Variants in PHACTR4 observed in about 807,000 individuals in gnomAD.
PHACTR4 encodes the protein protein phosphatase 1, regulatory subunit 124.
A neutral mutation model predicts 72.7 loss-of-function variants in PHACTR4; 51 were observed. That is an observed-to-expected ratio of 0.70 (90% CI 0.56 to 0.89). The LOEUF (loss-of-function observed/expected upper bound fraction) is 0.89, where lower values mean the gene tolerates loss of function less well. Ranked by LOEUF, PHACTR4 falls within the 40% of genes least tolerant of loss-of-function variation. The probability of loss-of-function intolerance (pLI) is 0.00; values close to 1 mark genes in which losing one functional copy is unlikely to be tolerated. For missense variants in PHACTR4, 731 were observed against 861.8 expected (o/e 0.85, Z 1.90); for synonymous variants, 255 against 302.5 (o/e 0.84, Z 1.63).
At position 28,465,730 on chromosome 1, in the gene PHACTR4, G is replaced by T. The variant is rs564701255; in HGVS notation, c.317G>T (p.Gly106Val). Residue 106 changes from glycine to valine, a missense_variant, in exon 5 of 14, where the codon GGC becomes GTC. By Grantham distance (109) the Gly-to-Val change is moderately radical. Transcript: ENST00000373839. ...GKPSDAMLKN[G>V]HTTPIGNARS... ...CCAAGCGATGCCATGTTAAAGAATG[G>T]CCATACCACCCCCATAGGGAATGCC... The T allele has an allele frequency of 6.2e-7, 1 of 1,613,998 alleles. No homozygotes were observed. The highest frequency in any genetic ancestry group is 1.3e-5 in the African/African-American group (1 of 75,032).
chr1:28,497,715 A>G lies in PHACTR4; in HGVS notation c.*1166A>G, dbSNP rs1661442865. On this transcript the variant is annotated 3_prime_UTR_variant, in exon 14 of 14. Transcript: ENST00000373839. ...AAAAAAAAAAAAAAAAGCCTTAGCC[A>G]GATTCAGTGGCTCACGCCTGTAATC... 1 of 147,868 alleles carries G rather than the reference A, an allele frequency of 6.8e-6. No homozygotes were observed. Among genetic ancestry groups the G allele is most frequent in the Non-Finnish European group, 1.5e-5 (1 of 67,018 alleles). The allele number at this position is 147,868 out of a possible 1,614,324, so 9.2% of individuals were successfully genotyped here.
intron 6 of PHACTR4, among the ~76,000 whole-genome samples, chr1:28,471,919 T>C (rs1022844503): frequency 6.6e-6 from 1 of 151,832 alleles, no homozygotes; most frequent in Non-Finnish European, 1.5e-5. Context: ...CAATAAAAAT[T>C]AGAGACAGTA....
At chr1:28,380,533 G>GT (rs1020826893) in intron 1 of PHACTR4, among the ~76,000 whole-genome samples, 31 of 152,266 alleles carry the variant, frequency 2.0e-4, no homozygotes, top group Admixed American at 5.2e-4. Context: ...ATAGGCACCA[G>GT]TGAGTGTTGT....
intron 9 of PHACTR4, among the ~76,000 whole-genome samples, chr1:28,487,132 C>T (rs544736243): frequency 2.0e-5 from 3 of 151,906 alleles, no homozygotes; most frequent in South Asian, 4.1e-4. Flanking sequence ...TTTGGGAGGC[C>T]GAGGCAGGCG....
intron 1 of PHACTR4, among the ~76,000 whole-genome samples, chr1:28,377,770 G>T (rs1277394213): frequency 3.3e-5 from 5 of 151,474 alleles, no homozygotes; most frequent in Non-Finnish European, 7.4e-5. Context: ...GGTTGAGGCT[G>T]CAGTGAGCCG....
Position 28,416,217 on chromosome 1 carries a change from T to A in PHACTR4, c.16+8754T>A, listed in dbSNP as rs79025515. Among the ~76,000 whole-genome samples the A allele has an allele frequency of 9.6e-4, 146 of 152,238 alleles. 5 individuals are homozygous for A. In the East Asian group the frequency reaches 0.027, roughly 28 times the overall value. Reference sequence around the variant, plus strand: ...ATGCCAAAATTGATGCTAGTTCCATTTTTTCTCCTAGTGGTCTTGATGAGA... The same window carrying A: ...ATGCCAAAATTGATGCTAGTTCCATATTTTCTCCTAGTGGTCTTGATGAGA... On this transcript the variant is annotated intron_variant, in intron 2 of 13. Transcript: ENST00000373839.
Position 28,476,202 on chromosome 1 carries a change from T to C in PHACTR4, c.1517T>C (p.Leu506Pro). 6.2e-7 allele frequency: 1 copy of C among 1,613,882 alleles called. No individual in the cohort carries two copies. Among genetic ancestry groups the C allele is most frequent in the Non-Finnish European group, 8.5e-7 (1 of 1,179,906 alleles). ...TSVIPKLPQC[L>P]REEEEKESDS... Reference sequence around the variant, plus strand: ...GTCATTCCTAAATTACCACAGTGTCTACGGGAGGAAGAAGAGAAGGAGAGC... The same window carrying C: ...GTCATTCCTAAATTACCACAGTGTCCACGGGAGGAAGAAGAGAAGGAGAGC... The change falls in exon 8 of 14, where the codon CTA becomes CCA. Residue 506 changes from leucine (L) to proline (P), a missense_variant. By Grantham distance (98) the Leu-to-Pro change is moderately conservative. Around this residue, in one of 2 missense-constraint regions of PHACTR4, gnomAD observed 621 missense variants for 676.6 expected, o/e 0.92. Transcript: ENST00000373839.
chr1:28,399,832 G>A (rs1653810412), intron 1 of PHACTR4, among the ~76,000 whole-genome samples: 1 of 152,186 alleles, frequency 6.6e-6, no homozygotes, highest in African/African-American at 2.4e-5. Flanking sequence ...GCCAAGGAAA[G>A]GCCTCTCTGA....
rs1336668659 is a variant in PHACTR4 at position 28,480,511 on chromosome 1, C to G, written c.1667C>G (p.Pro556Arg). Residue 556 changes from proline (P) to arginine (R), a missense_variant, in exon 9 of 14, where the codon CCC (proline) becomes CGC (arginine). Around this residue, in one of 2 missense-constraint regions of PHACTR4, gnomAD observed 621 missense variants for 676.6 expected, o/e 0.92. Transcript: ENST00000373839. Reference sequence around the variant, plus strand: ...CTGGCAATGAAGTTGAACCACAGACCCAGTGAACCAGAGTTGAACCTGAAT... The same window carrying G: ...CTGGCAATGAAGTTGAACCACAGACGCAGTGAACCAGAGTTGAACCTGAAT... The part of the protein sequence containing the change: ...DTLAMKLNHR[P>R]SEPELNLNSW... 6 of 1,613,990 alleles carry G rather than the reference C, an allele frequency of 3.7e-6. No individual in the cohort carries two copies. The highest frequency in any genetic ancestry group is 5.1e-6 in the Non-Finnish European group (6 of 1,180,042).
intron 6 of PHACTR4, among the ~76,000 whole-genome samples, chr1:28,468,853 A>C (rs1181084741): frequency 6.6e-6 from 1 of 151,842 alleles, no homozygotes; most frequent in South Asian, 2.1e-4. Flanking sequence ...GGGAGCACAC[A>C]TTAAGAGCCT....
In PHACTR4 at chr1:28,428,736, G is replaced by T. The variant is rs1483129087; in HGVS notation, c.16+21273G>T. On this transcript the variant is annotated intron_variant, in intron 2 of 13. Transcript: ENST00000373839. ...TGGTTTAATTTAAACTATTGGGGAG[G>T]TGGGGTTCATTTATATAGAGAATCT... Among the ~76,000 whole-genome samples, 3 of 152,168 alleles carry T rather than the reference G, an allele frequency of 2.0e-5. No individual in the cohort carries two copies. The East Asian group carries it at 5.8e-4, about 29-fold the overall frequency.
intron 2 of PHACTR4, among the ~76,000 whole-genome samples, chr1:28,423,123 A>G (rs1041828332): frequency 1.3e-5 from 2 of 150,228 alleles, no homozygotes; most frequent in Non-Finnish European, 3.0e-5. Context: ...CTTAGAGAGT[A>G]TAGATAGGGC....
At chr1:28,434,015 T>A (rs545973773) in intron 2 of PHACTR4, among the ~76,000 whole-genome samples, 1 of 152,118 alleles carries the variant, frequency 6.6e-6, no homozygotes, top group South Asian at 2.1e-4. Context: ...CCTAATCTCA[T>A]GATCCGCCCA....
At chr1:28,488,293 C>T (rs914292075) in intron 9 of PHACTR4, among the ~76,000 whole-genome samples, 8 of 151,110 alleles carry the variant, frequency 5.3e-5, no homozygotes, top group East Asian at 2.0e-4. Context: ...GTCAGGAGAT[C>T]GAGACCATCC....
At chr1:28,458,237 G>T (rs1658551784) in intron 2 of PHACTR4, among the ~76,000 whole-genome samples, 1 of 151,136 alleles carries the variant, frequency 6.6e-6, no homozygotes, top group South Asian at 2.1e-4. Context: ...GACCTCCCAG[G>T]CTCAAGCCAT....
chr1:28,454,597 C>G (rs1242295878), intron 2 of PHACTR4, among the ~76,000 whole-genome samples: 1 of 152,072 alleles, frequency 6.6e-6, no homozygotes, highest in African/African-American at 2.4e-5. Context: ...TAACATACCT[C>G]TCTCAGTTAC....
chr1:28,496,087 C>T (rs1422685062), intron 13 of PHACTR4, among the ~76,000 whole-genome samples: 10 of 127,146 alleles, frequency 7.9e-5, no homozygotes, highest in Admixed American at 5.6e-4. Context: ...GACGGAGTCT[C>T]GCTGTGTCAC....
chr1:28,480,899 G>C (rs1660239085), intron 9 of PHACTR4, among the ~76,000 whole-genome samples: 1 of 152,136 alleles, frequency 6.6e-6, no homozygotes, highest in Non-Finnish European at 1.5e-5. Context: ...ATGTTGGCCG[G>C]GCTGGTCTCG....
chr1:28,457,623 T>A (rs1658485478), intron 2 of PHACTR4, among the ~76,000 whole-genome samples: 1 of 151,694 alleles, frequency 6.6e-6, no homozygotes, highest in East Asian at 1.9e-4. Context: ...ATAATAATAA[T>A]AATAAATTTT....
Sources: allele counts gnomAD v4.1 joint callset (sites outside exome capture counted in the v4.1 genomes callset), GRCh38; gene constraint gnomAD v4.1.1; regional missense constraint gnomAD v4.1.1; transcripts MANE v1.5; gene names NCBI Gene and HGNC (gene_info 2026-07-23, HGNC 2026-07-21).